Variants in CDH10 observed in about 807,000 individuals in gnomAD.
The protein encoded by CDH10 is cadherin-10.
In CDH10, 30 loss-of-function variants were observed where a neutral mutation model predicts 73.1. The ratio of observed to expected loss-of-function variants is 0.41; its 90% confidence interval spans 0.31 to 0.56. The LOEUF is 0.56. CDH10 is among the 20% of genes least tolerant of loss of function. The pLI, the probability that CDH10 is intolerant of heterozygous loss-of-function variation, is 0.27. For missense variants in CDH10, 815 were observed against 973.7 expected (o/e 0.84, Z 2.17); for synonymous variants, 345 against 348.2 (o/e 0.99, Z 0.10).
chr5:24,607,405 A>G (rs2112134369), intron 1 of CDH10, among the ~76,000 whole-genome samples: 1 of 152,338 alleles, frequency 6.6e-6, no homozygotes, highest in Middle Eastern at 3.4e-3. Flanking sequence ...AACGAGGGAA[A>G]TGAACTTAAC....
chr5:24,626,145 G>A (rs1423612811), intron 1 of CDH10, among the ~76,000 whole-genome samples: 1 of 152,084 alleles, frequency 6.6e-6, no homozygotes, highest in African/African-American at 2.4e-5. Context: ...TCAAATTCAT[G>A]TTAATTTCAT....
intron 5 of CDH10, among the ~76,000 whole-genome samples, chr5:24,534,621 C>A (rs1743873807): frequency 6.6e-6 from 1 of 152,036 alleles, no homozygotes; most frequent in Non-Finnish European, 1.5e-5. Context: ...ACATTAAATG[C>A]AAGTCAGATA....
chr5:24,523,903 A>T lies in CDH10; in HGVS notation c.814+11209T>A, dbSNP rs948404765. The stretch of plus-strand genomic sequence containing the variant: ...TTTAAAATTTTACTGATGATACAAT[A>T]TAACTATATTGATGATCTATCAGTT... On this transcript the variant is annotated intron_variant, in intron 5 of 11. Transcript: ENST00000264463. Among the ~76,000 whole-genome samples the T allele has an allele frequency of 2.2e-4, 33 of 152,266 alleles. 1 individual carries two copies. The highest frequency in any genetic ancestry group is 4.6e-4 in the Admixed American group (7 of 15,272).
At chr5:24,549,698 C>A (rs1285152810) in intron 2 of CDH10, among the ~76,000 whole-genome samples, 2 of 151,780 alleles carry the variant, frequency 1.3e-5, no homozygotes, top group Non-Finnish European at 1.5e-5. Context: ...ATTATAGGCG[C>A]CTGCCACAAT....
chr5:24,568,073 C>A (rs1171454766), intron 2 of CDH10, among the ~76,000 whole-genome samples: 4 of 152,056 alleles, frequency 2.6e-5, no homozygotes, highest in African/African-American at 9.7e-5. Context: ...GGTTCATGAT[C>A]TATTCTCCAG....
At chr5:24,517,410 G>A (rs991289723) in intron 5 of CDH10, among the ~76,000 whole-genome samples, 1 of 152,130 alleles carries the variant, frequency 6.6e-6, no homozygotes, top group Non-Finnish European at 1.5e-5. Context: ...AAGGGAAAGT[G>A]GGAATAGGAT....
At chr5:24,623,292 G>A (rs1747378362) in intron 1 of CDH10, among the ~76,000 whole-genome samples, 3 of 152,104 alleles carry the variant, frequency 2.0e-5, no homozygotes, top group Admixed American at 2.0e-4. Flanking sequence ...CAATGCTAAC[G>A]ACCACTTGAG....
chr5:24,618,880 T>C (rs1747211260), intron 1 of CDH10, among the ~76,000 whole-genome samples: 1 of 152,230 alleles, frequency 6.6e-6, no homozygotes, highest in Non-Finnish European at 1.5e-5. Context: ...TTGTATATTA[T>C]TTAATTTTGA....
chr5:24,505,235 G>A lies in CDH10; in HGVS notation c.1270C>T (p.Arg424Cys), dbSNP rs1431341320. 3 of 1,612,436 alleles carry A rather than the reference G, an allele frequency of 1.9e-6. No individual in the cohort carries two copies. Among genetic ancestry groups the A allele is most frequent in the Non-Finnish European group, 2.5e-6 (3 of 1,179,080 alleles). Reference protein sequence around the residue: ...ISSPIRFSLDRHTDLDRIFNI... With the variant: ...ISSPIRFSLDCHTDLDRIFNI... The stretch of plus-strand genomic sequence containing the variant: ...AAGATTCTGTCAAGGTCAGTATGGC[G>A]ATCCAAGGAAAATCTGAACATGGAG... The change falls in exon 8 of 12, where the codon CGC (arginine) becomes TGC (cysteine). Residue 424 changes from arginine (R) to cysteine (C), a missense_variant. Around this residue, in one of 3 missense-constraint regions of CDH10, gnomAD observed 516 missense variants for 636.6 expected, o/e 0.81. Coordinates refer to ENST00000264463, the MANE Select transcript of CDH10 (RefSeq NM_006727.5).
chr5:24,643,843 A>AT (rs1748132653), intron 1 of CDH10, among the ~76,000 whole-genome samples: 1 of 152,164 alleles, frequency 6.6e-6, no homozygotes, highest in African/African-American at 2.4e-5. Context: ...GGGGACATGC[A>AT]TTTATACTTG....
At chr5:24,614,142 T>C (rs2174530) in intron 1 of CDH10, among the ~76,000 whole-genome samples, 3,641 of 152,284 alleles carry the variant, frequency 0.024, 81 homozygotes, top group South Asian at 0.097. Flanking sequence ...ATATCTATAA[T>C]GCAATCATGA....
chr5:24,637,315 G>C (rs1747896956), intron 1 of CDH10, among the ~76,000 whole-genome samples: 4 of 151,922 alleles, frequency 2.6e-5, no homozygotes, highest in Admixed American at 2.0e-4. Flanking sequence ...AAATGCTTTT[G>C]AGGGGTTTCT....
chr5:24,528,410 C>A (rs1743609295), intron 5 of CDH10, among the ~76,000 whole-genome samples: 1 of 151,914 alleles, frequency 6.6e-6, no homozygotes, highest in South Asian at 2.1e-4. Flanking sequence ...GAGAGGTTGA[C>A]TCTATTTACA....
intron 10 of CDH10, among the ~76,000 whole-genome samples, chr5:24,492,120 A>T (rs899331300): frequency 1.3e-5 from 2 of 152,208 alleles, no homozygotes; most frequent in Non-Finnish European, 2.9e-5. Flanking sequence ...GATGATAACA[A>T]CTGGCTTTTC....
intron 2 of CDH10, among the ~76,000 whole-genome samples, chr5:24,542,968 T>C (rs1369240695): frequency 6.6e-6 from 1 of 152,140 alleles, no homozygotes; most frequent in African/African-American, 2.4e-5. Flanking sequence ...GCCACAAATA[T>C]TCACACCATA....
intron 9 of CDH10, among the ~76,000 whole-genome samples, chr5:24,495,987 G>C (rs1742274505): frequency 6.6e-6 from 1 of 152,106 alleles, no homozygotes; most frequent in African/African-American, 2.4e-5. Context: ...CTTAAGGAAT[G>C]CTTCAGTGAT....
At chr5:24,624,453 T>C (rs1747423276) in intron 1 of CDH10, among the ~76,000 whole-genome samples, 1 of 152,092 alleles carries the variant, frequency 6.6e-6, no homozygotes, top group Non-Finnish European at 1.5e-5. Flanking sequence ...CTGAGACATG[T>C]AAAGAGACTA....
intron 3 of CDH10, among the ~76,000 whole-genome samples, chr5:24,536,638 G>A (rs186259939): frequency 1.3e-5 from 2 of 152,004 alleles, no homozygotes; most frequent in African/African-American, 4.8e-5. Context: ...AAAAATTAAT[G>A]CAGTTTTAAT....
intron 1 of CDH10, among the ~76,000 whole-genome samples, chr5:24,625,284 A>G (rs1192340758): frequency 1.3e-5 from 2 of 152,012 alleles, no homozygotes; most frequent in African/African-American, 4.8e-5. Flanking sequence ...CTTGCTCTTT[A>G]GTTATATTGG....
Sources: gnomAD v4.1 joint callset for allele counts (sites outside exome capture counted in the v4.1 genomes callset) on GRCh38, gnomAD v4.1.1 for gene constraint, gnomAD v4.1.1 regional missense constraint, MANE v1.5 for transcripts, NCBI Gene and HGNC (gene_info 2026-07-23, HGNC 2026-07-21) for gene names.